The following CDON variants were observed in gnomAD, a reference collection of about 807,000 sequenced individuals.
CDON encodes cell adhesion molecule-related/down-regulated by oncogenes.
A neutral mutation model predicts 120.9 loss-of-function variants in CDON; 73 were observed. The ratio of observed to expected loss-of-function variants is 0.60; its 90% CI spans 0.50 to 0.73. The LOEUF is 0.73. Ranked by LOEUF, CDON falls within the 30% of genes least tolerant of loss-of-function variation. CDON has a pLI of 0.00. For missense variants in CDON, 1,470 were observed against 1,587.3 expected (o/e 0.93, Z 1.26); for synonymous variants, 566 against 573.5 (o/e 0.99, Z 0.19).
chr11:125,999,323 T>C (rs941168373), intron 11 of CDON, among the ~76,000 whole-genome samples: 3 of 152,100 alleles, frequency 2.0e-5, no homozygotes, highest in Admixed American at 1.3e-4. Context: ...CTTCCATATC[T>C]AAAAGAAATA....
chr11:125,981,054 C>T lies in CDON; in HGVS notation c.3271G>A (p.Val1091Met), dbSNP rs1415000535. The change falls in exon 17 of 20, where the codon GTG (valine) becomes ATG (methionine). Residue 1091 changes from valine to methionine, a missense_variant. Val to Met is a conservative substitution (Grantham distance 21). Transcript: ENST00000531738. Reference protein sequence around the residue: ...HVDFEHPHHLVNGGGMYTAVP... With the variant: ...HVDFEHPHHLMNGGGMYTAVP... ...TTTATAGTTAGGTCTCTTACATTCA[C>T]TAGATGATGAGGATGTTCAAAATCC... 10 of 1,614,110 alleles carry T rather than the reference C, an allele frequency of 6.2e-6. No individual in the cohort carries two copies. Among genetic ancestry groups the T allele is most frequent in the Non-Finnish European group, 7.6e-6 (9 of 1,180,002 alleles).
intron 18 of CDON, among the ~76,000 whole-genome samples, chr11:125,965,115 G>C (rs1161585869): frequency 3.3e-5 from 5 of 152,124 alleles, no homozygotes; most frequent in African/African-American, 7.2e-5. Context: ...TATTTTAGTA[G>C]AGACGGGGTT....
intron 1 of CDON, among the ~76,000 whole-genome samples, chr11:126,052,816 C>T (rs1189206071): frequency 1.3e-5 from 2 of 148,198 alleles, no homozygotes; most frequent in Non-Finnish European, 3.0e-5. Context: ...GAACAAGACT[C>T]CGTCTCAAAA....
intron 18 of CDON, among the ~76,000 whole-genome samples, chr11:125,970,770 C>T (rs1417284966): frequency 6.6e-6 from 1 of 152,134 alleles, no homozygotes; most frequent in Non-Finnish European, 1.5e-5. Context: ...CTGAACATGG[C>T]AAGTTGACAG....
chr11:125,978,383 C>A lies in CDON; in HGVS notation c.3277G>T (p.Gly1093Cys), dbSNP rs1335755163. 4 of 1,595,864 alleles carry A rather than the reference C, an allele frequency of 2.5e-6. No individual in the cohort carries two copies. The highest frequency in any genetic ancestry group is 3.4e-6 in the Non-Finnish European group (4 of 1,166,184). Reference protein sequence around the residue: ...DFEHPHHLVNGGGMYTAVPQI... With the variant: ...DFEHPHHLVNCGGMYTAVPQI... ...GGCACGGCCGTGTACATTCCACCACCCTGGACAGGAAGGAGTGTCAGAGAA... is the reference window on the plus strand; with the variant it reads ...GGCACGGCCGTGTACATTCCACCACACTGGACAGGAAGGAGTGTCAGAGAA... The change falls in exon 18 of 20, where the codon GGT (glycine) becomes TGT (cysteine). Residue 1093 changes from glycine (G) to cysteine (C), a missense_variant and splice_region_variant. By Grantham distance (159) the Gly-to-Cys change is radical. Coordinates refer to ENST00000531738, the MANE Select transcript of CDON (RefSeq NM_001378964.1).
chr11:126,053,356 A>G (rs547760193), intron 1 of CDON, among the ~76,000 whole-genome samples: 1 of 152,318 alleles, frequency 6.6e-6, no homozygotes, highest in African/African-American at 2.4e-5. Context: ...CCCAGGGTTT[A>G]CTGGAACTAC....
intron 15 of CDON, among the ~76,000 whole-genome samples, chr11:125,985,924 T>C (rs1432787598): frequency 6.6e-6 from 1 of 152,166 alleles, no homozygotes; most frequent in Admixed American, 6.5e-5. Flanking sequence ...CTCAAGGATC[T>C]AGAAATAGAA....
At chr11:125,961,145 A>G in intron 19 of CDON, 40 bp from the exon 20 acceptor site, 1 of 1,590,180 alleles carries the variant, frequency 6.3e-7, no homozygotes, top group African/African-American at 1.3e-5. Flanking sequence ...TCAAATGATA[A>G]AGGCTGATTT....
intron 17 of CDON, among the ~76,000 whole-genome samples, chr11:125,979,730 T>C (rs953761204): frequency 1.3e-5 from 2 of 151,738 alleles, no homozygotes; most frequent in African/African-American, 4.8e-5. Flanking sequence ...TATTCAAATG[T>C]TAATGCTCTC....
intron 1 of CDON, among the ~76,000 whole-genome samples, chr11:126,026,205 T>A (rs944825533): frequency 6.6e-6 from 1 of 152,358 alleles, no homozygotes; most frequent in Non-Finnish European, 1.5e-5. Flanking sequence ...TCTAGCTATA[T>A]TGTTTATTCC....
At chr11:125,993,993 T>C (rs1010619894) in intron 14 of CDON, among the ~76,000 whole-genome samples, 2 of 152,222 alleles carry the variant, frequency 1.3e-5, no homozygotes, top group Non-Finnish European at 2.9e-5. Context: ...ATTTTTATAC[T>C]CAGGTCACTG....
intron 1 of CDON, among the ~76,000 whole-genome samples, chr11:126,030,693 A>C (rs1306884006): frequency 1.3e-5 from 2 of 152,220 alleles, no homozygotes; most frequent in Non-Finnish European, 2.9e-5. Context: ...GAAAAACTAA[A>C]ACATGTCTAC....
chr11:126,001,911 AAAG>A (rs1427326653), intron 10 of CDON, 61 bp from the exon 11 acceptor site: 9 of 1,304,294 alleles, frequency 6.9e-6, no homozygotes, highest in Non-Finnish European at 1.0e-5. Flanking sequence ...AGTGGAAAAA[AAAG>A]AGTACTGTGA....
chr11:126,020,825 C>CA (rs1040858296), intron 3 of CDON, among the ~76,000 whole-genome samples: 1 of 152,048 alleles, frequency 6.6e-6, no homozygotes, highest in Non-Finnish European at 1.5e-5. Context: ...GCAAATAAAA[C>CA]AATTAGATGT....
chr11:125,982,850 C>T (rs1221486616), intron 16 of CDON, among the ~76,000 whole-genome samples: 1 of 152,022 alleles, frequency 6.6e-6, no homozygotes, highest in Non-Finnish European at 1.5e-5. Context: ...GATCACCATC[C>T]CTTTCAGATT....
chr11:125,971,962 T>A (rs183868434), intron 18 of CDON, among the ~76,000 whole-genome samples: 1 of 152,146 alleles, frequency 6.6e-6, no homozygotes, highest in Non-Finnish European at 1.5e-5. Context: ...AAGAGAAGGG[T>A]AGAAAGCTTT....
intron 3 of CDON, 73 bp from the exon 4 acceptor site, chr11:126,019,838 A>G (rs1338745923): frequency 2.9e-6 from 4 of 1,380,160 alleles, no homozygotes; most frequent in Non-Finnish European, 4.0e-6. Flanking sequence ...AAATTTACAA[A>G]TTAGAAACAA....
rs771769883 is a variant in CDON, at chr11:125,983,945, G to A, written c.2922C>T (p.Gly974=). 1.3e-5 allele frequency: 21 copies of A among 1,613,914 alleles called. No homozygotes were observed. Among genetic ancestry groups the A allele is most frequent in the South Asian group, 2.2e-5 (2 of 91,066 alleles). The change falls in exon 16 of 20, where the codon GGC becomes GGT. Residue 974 remains glycine (G), a synonymous_variant. Coordinates refer to ENST00000531738, the MANE Select transcript of CDON (RefSeq NM_001378964.1). ...MLYLIVGCVL[G]VMVLILMVFI... ...AAACCATCAGAATGAGGACCATGAC[G>A]CCCAGCACACAGCCAACGATCAGAT...
intron 18 of CDON, among the ~76,000 whole-genome samples, chr11:125,964,415 C>CA: frequency 6.6e-6 from 1 of 152,264 alleles, no homozygotes; most frequent in Middle Eastern, 3.4e-3. Flanking sequence ...AACTCAGGAG[C>CA]AAATCATGTC....
Sources: gnomAD v4.1 joint callset for allele counts (sites outside exome capture counted in the v4.1 genomes callset) on GRCh38, gnomAD v4.1.1 for gene constraint, MANE v1.5 for transcripts, NCBI Gene and HGNC (gene_info 2026-07-23, HGNC 2026-07-21) for gene names.